The following ARL6IP4 variants were observed in gnomAD, a reference collection of about 807,000 sequenced individuals.
ARL6IP4 encodes the protein ADP-ribosylation factor-like protein 6-interacting protein 4.
In ARL6IP4, 24 loss-of-function variants were observed where a neutral mutation model predicts 28.1. That is an observed-to-expected ratio of 0.86 (90% CI 0.62 to 1.20). ARL6IP4 has a LOEUF of 1.20. ARL6IP4 is among the 50% of genes most tolerant of loss of function. ARL6IP4 has a pLI of 0.00. For missense variants in ARL6IP4, 343 were observed against 302.4 expected, an observed-to-expected ratio of 1.13 and a Z score of -1.00; for synonymous variants, 162 against 122.3, an observed-to-expected ratio of 1.32 and a Z score of -2.14.
Position 122,980,731 on chromosome 12 carries a change from C to G in ARL6IP4, c.-26C>G, listed in dbSNP as rs74815519. 1 of 1,322,342 alleles carries G rather than the reference C, an allele frequency of 7.6e-7. No homozygotes were observed. Among genetic ancestry groups the G allele is most frequent in the Non-Finnish European group, 9.6e-7 (1 of 1,040,722 alleles). The allele number at this position is 1,322,342 out of a possible 1,614,324, so 81.9% of individuals were successfully genotyped here. Reference sequence around the variant, plus strand: ...AAGGCGCGGGGCGGGCTGTCCGGCCCGCAGGGCGGTCGAGGTGGGAACGGA... The same window carrying G: ...AAGGCGCGGGGCGGGCTGTCCGGCCGGCAGGGCGGTCGAGGTGGGAACGGA... On this transcript the variant is annotated 5_prime_UTR_variant, in exon 1 of 6. Transcript: ENST00000315580.
chr12:122,980,735 G>A lies in ARL6IP4; in HGVS notation c.-22G>A. The A allele has an allele frequency of 7.6e-7, 1 of 1,322,432 alleles. No homozygotes were observed. Among genetic ancestry groups the A allele is most frequent in the Non-Finnish European group, 9.6e-7 (1 of 1,040,838 alleles). The allele number at this position is 1,322,432 out of a possible 1,614,324, so 81.9% of individuals were successfully genotyped here. On this transcript the variant is annotated 5_prime_UTR_variant, in exon 1 of 6. Transcript: ENST00000315580. ...CGCGGGGCGGGCTGTCCGGCCCGCA[G>A]GGCGGTCGAGGTGGGAACGGAGCAG... is the stretch of plus-strand genomic sequence containing the variant.
At position 122,981,283 on chromosome 12, in the gene ARL6IP4, G is replaced by A. The variant is rs2135975020; in HGVS notation, c.144G>A (p.Thr48=). 2 of 1,548,090 alleles carry A rather than the reference G, an allele frequency of 1.3e-6. No individual in the cohort carries two copies. The highest frequency in any genetic ancestry group is 2.0e-5 in the Admixed American group (1 of 50,652). ...CATCCCAAGGTCGCAAGGCCAGCAC[G>A]GCCCCTGGGGCGGAGGGTGAGGACC... ...ASTSQGRKAS[T]APGAEASPSP... Residue 48 remains threonine, a synonymous_variant, in exon 2 of 6, where the codon ACG becomes ACA. Coordinates refer to ENST00000315580, the MANE Select transcript of ARL6IP4 (RefSeq NM_018694.4).
upstream of ARL6IP4, chr12:122,980,414 G>A (rs1215560327): frequency 7.3e-7 from 1 of 1,367,256 alleles, no homozygotes; most frequent in South Asian, 2.0e-5. Flanking sequence ...CAGCCGGGGA[G>A]GAGGGCGGCG....
At position 122,980,727 on chromosome 12, in the gene ARL6IP4, G is replaced by C. The variant is rs1278756631; in HGVS notation, c.-30G>C. On this transcript the variant is annotated 5_prime_UTR_variant, in exon 1 of 6. Transcript: ENST00000315580. The stretch of plus-strand genomic sequence containing the variant: ...CGAGAAGGCGCGGGGCGGGCTGTCC[G>C]GCCCGCAGGGCGGTCGAGGTGGGAA... The C allele has an allele frequency of 2.0e-5, 27 of 1,322,654 alleles. No individual in the cohort carries two copies. Among genetic ancestry groups the C allele is most frequent in the Non-Finnish European group, 2.6e-5 (27 of 1,040,916 alleles). 81.9% of individuals were successfully genotyped at this position (1,322,654 alleles called of 1,614,324 possible). A position where few individuals can be genotyped will look rare whatever the true frequency, so the allele number is the denominator to read the frequency against.
chr12:122,981,040 C>CA, intron 1 of ARL6IP4, 89 bp from the exon 2 acceptor site: 1 of 1,438,482 alleles, frequency 7.0e-7, no homozygotes, highest in Non-Finnish European at 9.1e-7. Context: ...TGGGCGTCGC[C>CA]AGGCCCCGGC....
At position 122,982,515 on chromosome 12, in the gene ARL6IP4, G is replaced by C. The variant is rs771980082; in HGVS notation, c.634G>C (p.Glu212Gln). ...GGTCCTAGAGGAAATCGTAACCAAA[G>C]AACGACACAGAGAGATCAACAAGGT... is the stretch of plus-strand genomic sequence containing the variant. ...GEVLEEIVTK[E>Q]RHREINKQAT... Residue 212 changes from glutamate (E) to glutamine (Q), a missense_variant, in exon 5 of 6, where the codon GAA (glutamate) becomes CAA (glutamine). Transcript: ENST00000315580. The C allele has an allele frequency of 1.9e-5, 30 of 1,614,174 alleles. No individual in the cohort carries two copies. The highest frequency in any genetic ancestry group is 1.6e-4 in the Middle Eastern group (1 of 6,062).
Position 122,982,600 on chromosome 12 carries a change from CTG to C in ARL6IP4, c.658-15_658-14del, listed in dbSNP as rs748381406. On this transcript the variant is annotated intron_variant, in intron 5 of 5. Coordinates refer to ENST00000315580, the MANE Select transcript of ARL6IP4 (RefSeq NM_018694.4). ...CTCTGTTTGTGATGTACCCCTCCTC[CTG>C]TGTGCTTTCTTCCCCAGCAAGCCAC... 1.9e-6 allele frequency: 3 copies of C among 1,614,174 alleles called. No homozygotes were observed. The highest frequency in any genetic ancestry group is 2.5e-6 in the Non-Finnish European group (3 of 1,180,026).
At chr12:122,982,590 A>C (rs1223876496) in intron 5 of ARL6IP4, 30 bp from the exon 6 acceptor site, 1 of 1,613,854 alleles carries the variant, frequency 6.2e-7, no homozygotes, top group Non-Finnish European at 8.5e-7. Flanking sequence ...TTTGTGATGT[A>C]CCCCTCCTCC....
chr12:122,982,024 C>G lies in ARL6IP4; in HGVS notation c.537C>G (p.Ala179=). The change falls in exon 4 of 6, where the codon GCC becomes GCG. Residue 179 remains alanine, a synonymous_variant. Coordinates refer to ENST00000315580, the MANE Select transcript of ARL6IP4 (RefSeq NM_018694.4). ...CCATGACCAAGGAGGAGTGGGATGC[C>G]CGGCAGAGCATCATCCGCAAGGTGG... ...MKPMTKEEWD[A]RQSIIRKVVD... is the part of the protein sequence containing the mutation. The G allele has an allele frequency of 6.2e-7, 1 of 1,613,608 alleles. No individual in the cohort carries two copies. Among genetic ancestry groups the G allele is most frequent in the Non-Finnish European group, 8.5e-7 (1 of 1,180,026 alleles).
intron 4 of ARL6IP4, 44 bp downstream of exon 4, chr12:122,982,118 G>A: frequency 6.3e-7 from 1 of 1,596,328 alleles, no homozygotes; most frequent in Non-Finnish European, 8.6e-7. Flanking sequence ...ATCTGGGAGT[G>A]TTGGCTGAAG....
chr12:122,982,814 CA>C lies in ARL6IP4; in HGVS notation c.*139del. 2.2e-6 allele frequency: 2 copies of C among 899,352 alleles called. No homozygotes were observed. Among genetic ancestry groups the C allele is most frequent in the South Asian group, 1.5e-5 (1 of 64,808 alleles). The allele number at this position is 899,352 out of a possible 1,614,324, so 55.7% of individuals were successfully genotyped here. A position where few individuals can be genotyped will look rare whatever the true frequency, so the allele number is the denominator to read the frequency against. On this transcript the variant is annotated 3_prime_UTR_variant, in exon 6 of 6. Transcript: ENST00000315580. ...TCTCTGGCCCAGCCCAGTCTCTTCT[CA>C]GGGGCAGGGGGTGGAGGTTGGGGTC...
Position 122,982,511 on chromosome 12 carries a change from CA to C in ARL6IP4, c.633del (p.Glu212AsnfsTer?). On this transcript the variant is annotated frameshift_variant, in exon 5 of 6. Coordinates refer to ENST00000315580, the MANE Select transcript of ARL6IP4 (RefSeq NM_018694.4). LOFTEE classifies it high-confidence loss of function. ...GCGAGGTCCTAGAGGAAATCGTAAC[CA>C]AAGAACGACACAGAGAGATCAACAA... ...DGEVLEEIVTKERHREINKQA... is the reference protein window; with the variant it reads ...DGEVLEEIVTXERHREINKQA... 1 of 1,614,120 alleles carries C rather than the reference CA, an allele frequency of 6.2e-7. No individual in the cohort carries two copies. The highest frequency in any genetic ancestry group is 8.5e-7 in the Non-Finnish European group (1 of 1,180,008).
rs2037718829 is a variant in ARL6IP4 at position 122,982,326 on chromosome 12, A to AGTGG, written c.588-139_588-136dup. 3.4e-6 allele frequency: 3 copies of AGTGG among 885,872 alleles called. No individual in the cohort carries two copies. In the African/African-American group the frequency reaches 5.0e-5, roughly 15 times the overall value. The allele number at this position is 885,872 out of a possible 1,614,324, so 54.9% of individuals were successfully genotyped here. A position where few individuals can be genotyped will look rare whatever the true frequency, so the allele number is the denominator to read the frequency against. On this transcript the variant is annotated intron_variant, in intron 4 of 5. Coordinates refer to ENST00000315580, the MANE Select transcript of ARL6IP4 (RefSeq NM_018694.4). ...CAGCTCCACTGCCTTCATCAGGGAG[A>AGTGG]GTGGGTGAGGCCCCAGGGTCTGTCC...
At chr12:122,980,964 A>C (rs907403526) in intron 1 of ARL6IP4, 165 bp from the exon 2 acceptor site, 1 of 1,384,028 alleles carries the variant, frequency 7.2e-7, no homozygotes, top group African/African-American at 1.5e-5. Flanking sequence ...TCGGCGGAGA[A>C]AACCGGGGTC....
chr12:122,982,597 C>A lies in ARL6IP4; in HGVS notation c.658-23C>A, dbSNP rs117535300. On this transcript the variant is annotated intron_variant, in intron 5 of 5. Coordinates refer to ENST00000315580, the MANE Select transcript of ARL6IP4 (RefSeq NM_018694.4). The stretch of plus-strand genomic sequence containing the variant: ...CAGCTCTGTTTGTGATGTACCCCTC[C>A]TCCTGTGTGCTTTCTTCCCCAGCAA... The A allele has an allele frequency of 2.9e-4, 472 of 1,614,196 alleles. 6 individuals carry two copies. The East Asian group carries it at 8.1e-3, about 28-fold the overall frequency.
At chr12:122,982,203 C>T (rs576369615) in intron 4 of ARL6IP4, 129 bp downstream of exon 4, 17 of 1,081,208 alleles carry the variant, frequency 1.6e-5, no homozygotes, top group South Asian at 9.4e-5. Context: ...GGCAAAAATA[C>T]GGTCACTTGG....
Position 122,981,567 on chromosome 12 carries a change from C to T in ARL6IP4, c.161-4C>T. On this transcript the variant is annotated splice_polypyrimidine_tract_variant and splice_region_variant and intron_variant, in intron 2 of 5. Coordinates refer to ENST00000315580, the MANE Select transcript of ARL6IP4 (RefSeq NM_018694.4). ...GTTTACCTCTTCCCCTCCTGGCCTT[C>T]CAGCCTCACCTTCTCCCTGCATCAC... 1 of 1,540,300 alleles carries T rather than the reference C, an allele frequency of 6.5e-7. No individual in the cohort carries two copies.
Position 122,982,842 on chromosome 12 carries a change from C to G in ARL6IP4, c.*166C>G. Reference sequence around the variant, plus strand: ...GGGCAGGGGGTGGAGGTTGGGGTCACCGGCCTGCTTGGCACCCCCATCTGA... The same window carrying G: ...GGGCAGGGGGTGGAGGTTGGGGTCAGCGGCCTGCTTGGCACCCCCATCTGA... On this transcript the variant is annotated 3_prime_UTR_variant, in exon 6 of 6. Transcript: ENST00000315580. 5 of 705,188 alleles carry G rather than the reference C, an allele frequency of 7.1e-6. No homozygotes were observed. The highest frequency in any genetic ancestry group is 9.4e-6 in the Non-Finnish European group (4 of 423,720). The allele number at this position is 705,188 out of a possible 1,614,324, so 43.7% of individuals were successfully genotyped here.
chr12:122,982,060 G>C lies in ARL6IP4; in HGVS notation c.573G>C (p.Glu191Asp), dbSNP rs756834549. ...TCATCCGCAAGGTGGTGGACCCTGA[G>C]ACGGGGCGCACCAGGTGGGGAGCTT... ...QSIIRKVVDP[E>D]TGRTRLIKGD... Residue 191 changes from glutamate to aspartate, a missense_variant, in exon 4 of 6, where the codon GAG becomes GAC. Physicochemically the swap from Glu to Asp is conservative, Grantham distance 45. Coordinates refer to ENST00000315580, the MANE Select transcript of ARL6IP4 (RefSeq NM_018694.4). 6.2e-7 allele frequency: 1 copy of C among 1,613,518 alleles called. No individual in the cohort carries two copies. The highest frequency in any genetic ancestry group is 1.1e-5 in the South Asian group (1 of 91,090).
Sources: allele counts gnomAD v4.1 joint callset, GRCh38; gene constraint gnomAD v4.1.1; transcripts MANE v1.5; gene names NCBI Gene and HGNC (gene_info 2026-07-23, HGNC 2026-07-21).